Variants in RASAL2 observed in about 807,000 individuals in gnomAD.
RASAL2 encodes the protein ras GTPase-activating protein nGAP.
In RASAL2, 58 loss-of-function variants were observed where a neutral mutation model predicts 128.9. The observed-to-expected ratio is 0.45, with a 90% CI of 0.36 to 0.56. The LOEUF is 0.56. RASAL2 is among the 20% of genes least tolerant of loss of function. The pLI is 0.00. For missense variants in RASAL2, 1,360 were observed against 1,601.6 expected (o/e 0.85, Z 2.57); for synonymous variants, 561 against 580.8 (o/e 0.97, Z 0.49).
chr1:178,113,102 G>A (rs994694360), intron 1 of RASAL2, among the ~76,000 whole-genome samples: 2 of 152,018 alleles, frequency 1.3e-5, no homozygotes, highest in African/African-American at 4.8e-5. Context: ...ACCATTTGTT[G>A]AAAAAACTAT....
intron 1 of RASAL2, among the ~76,000 whole-genome samples, chr1:178,136,202 T>C (rs953086108): frequency 6.6e-6 from 1 of 152,182 alleles, no homozygotes; most frequent in Non-Finnish European, 1.5e-5. Flanking sequence ...GCTCTGTATT[T>C]AATTAAGCAT....
intron 1 of RASAL2, among the ~76,000 whole-genome samples, chr1:178,195,645 T>C (rs968737718): frequency 4.6e-5 from 7 of 152,204 alleles, no homozygotes; most frequent in Non-Finnish European, 1.0e-4. Flanking sequence ...ATGGTAGATA[T>C]TATTTTCCTT....
intron 1 of RASAL2, among the ~76,000 whole-genome samples, chr1:178,114,098 A>G (rs1017483528): frequency 6.6e-6 from 1 of 151,504 alleles, no homozygotes; most frequent in African/African-American, 2.4e-5. Context: ...TGTGGATTCC[A>G]TTGGCTTTTC....
intron 15 of RASAL2, among the ~76,000 whole-genome samples, chr1:178,465,657 G>A (rs577044568): frequency 7.9e-5 from 12 of 152,120 alleles, no homozygotes; most frequent in Admixed American, 4.6e-4. Flanking sequence ...GGAATGCCAA[G>A]TTAAGATTTA....
chr1:178,426,045 T>C (rs1157611174), intron 5 of RASAL2, among the ~76,000 whole-genome samples: 1 of 152,140 alleles, frequency 6.6e-6, no homozygotes, highest in Non-Finnish European at 1.5e-5. Context: ...CATAGCAGTT[T>C]GAGAAATTGA....
chr1:178,184,674 G>A (rs906771823), intron 1 of RASAL2, among the ~76,000 whole-genome samples: 5 of 151,884 alleles, frequency 3.3e-5, no homozygotes, highest in Non-Finnish European at 5.9e-5. Context: ...CTGTTTCATT[G>A]CTTTTTCTGT....
At position 178,451,724 on chromosome 1, in the gene RASAL2, A is replaced by G; in HGVS notation, c.1772+9A>G. On this transcript the variant is annotated intron_variant, in intron 10 of 17. Transcript: ENST00000367649. ...ATCATCAACTCTTACTGGTGAGCTTATCTTATCCTCTGCCTTACATTTTTT... is the reference window on the plus strand; with the variant it reads ...ATCATCAACTCTTACTGGTGAGCTTGTCTTATCCTCTGCCTTACATTTTTT... 1.2e-6 allele frequency: 2 copies of G among 1,610,786 alleles called. No individual in the cohort carries two copies. The highest frequency in any genetic ancestry group is 1.7e-6 in the Non-Finnish European group (2 of 1,178,758).
At chr1:178,303,517 T>A (rs374252342) in intron 3 of RASAL2, among the ~76,000 whole-genome samples, 1 of 151,402 alleles carries the variant, frequency 6.6e-6, no homozygotes, top group Non-Finnish European at 1.5e-5. Flanking sequence ...AGTTTAAGAA[T>A]TTGTGTTGGG....
chr1:178,339,067 G>A (rs1038480487), intron 3 of RASAL2, among the ~76,000 whole-genome samples: 1 of 152,132 alleles, frequency 6.6e-6, no homozygotes, highest in Admixed American at 6.5e-5. Flanking sequence ...AGACTTAAGA[G>A]GACTTTAGCA....
intron 4 of RASAL2, among the ~76,000 whole-genome samples, chr1:178,407,038 G>A (rs1019007768): frequency 1.9e-4 from 29 of 152,052 alleles, no homozygotes; most frequent in Admixed American, 1.6e-3. Context: ...CAAAGATTCC[G>A]ATATATCAGA....
intron 3 of RASAL2, among the ~76,000 whole-genome samples, chr1:178,372,765 G>A (rs1249501876): frequency 6.6e-6 from 1 of 152,270 alleles, no homozygotes; most frequent in East Asian, 1.9e-4. Flanking sequence ...TGAAATATTT[G>A]TAATGCTTAT....
intron 1 of RASAL2, among the ~76,000 whole-genome samples, chr1:178,137,991 C>G (rs1235761368): frequency 6.6e-6 from 1 of 152,188 alleles, no homozygotes; most frequent in Admixed American, 6.5e-5. Flanking sequence ...TTGCCAAAGG[C>G]ATTGTGGAAA....
chr1:178,331,884 G>T (rs1442864296), intron 3 of RASAL2, among the ~76,000 whole-genome samples: 1 of 152,056 alleles, frequency 6.6e-6, no homozygotes, highest in Non-Finnish European at 1.5e-5. Context: ...ACCATGCCCA[G>T]CCACTTCATG....
intron 3 of RASAL2, among the ~76,000 whole-genome samples, chr1:178,361,679 A>AT (rs756360598): frequency 7.9e-5 from 12 of 151,836 alleles, no homozygotes; most frequent in Non-Finnish European, 1.6e-4. Context: ...TTCATGGAAG[A>AT]TTTTTCCATG....
intron 4 of RASAL2, among the ~76,000 whole-genome samples, chr1:178,405,246 A>C (rs1331984290): frequency 6.6e-6 from 1 of 152,200 alleles, no homozygotes; most frequent in Non-Finnish European, 1.5e-5. Flanking sequence ...ATATGCACAA[A>C]GTTATTTATG....
chr1:178,299,961 T>C (rs1319335471), intron 2 of RASAL2, 31 bp from the exon 3 acceptor site: 1 of 1,608,144 alleles, frequency 6.2e-7, no homozygotes, highest in Non-Finnish European at 8.5e-7. Flanking sequence ...AGTTCACTAT[T>C]AAGTTTTATC....
At chr1:178,195,426 G>A (rs1662626743) in intron 1 of RASAL2, among the ~76,000 whole-genome samples, 1 of 152,100 alleles carries the variant, frequency 6.6e-6, no homozygotes. Context: ...TTGAATTGTT[G>A]CTCTTGCTAA....
chr1:178,427,736 A>G (rs1675603445), intron 5 of RASAL2, among the ~76,000 whole-genome samples: 1 of 152,114 alleles, frequency 6.6e-6, no homozygotes, highest in Non-Finnish European at 1.5e-5. Context: ...TAGTAATATT[A>G]AATAAACTGC....
rs528437132 is a variant in RASAL2, at chr1:178,254,323, T to C, written c.203-29241T>C. Among the ~76,000 whole-genome samples the C allele has an allele frequency of 5.9e-5, 9 of 152,350 alleles. No individual in the cohort carries two copies. In the South Asian group the frequency reaches 8.3e-4, roughly 14 times the overall value. Reference sequence around the variant, plus strand: ...GTCTCCCCATATTATATACTCATAATATTTTGTACGTTTCATATATCATAA... The same window carrying C: ...GTCTCCCCATATTATATACTCATAACATTTTGTACGTTTCATATATCATAA... On this transcript the variant is annotated intron_variant, in intron 1 of 17. Transcript: ENST00000367649.
Sources: allele counts gnomAD v4.1 joint callset (sites outside exome capture counted in the v4.1 genomes callset), GRCh38; gene constraint gnomAD v4.1.1; transcripts MANE v1.5; gene names NCBI Gene and HGNC (gene_info 2026-07-23, HGNC 2026-07-21).